KCNQ2: variants seen among roughly 807,000 people sequenced by gnomAD.
KCNQ2 encodes the protein potassium voltage-gated channel subfamily KQT member 2.
KCNQ2 carries 14 observed loss-of-function variants against 84.8 expected under a neutral mutation model. The ratio of observed to expected loss-of-function variants is 0.17; its 90% CI spans 0.11 to 0.26. KCNQ2 has a LOEUF of 0.26. KCNQ2 is among the 10% of genes least tolerant of loss of function. The pLI is 1.00. For missense variants in KCNQ2, 788 were observed against 1,254.0 expected, an observed-to-expected ratio of 0.63 and a Z score of 5.61; for synonymous variants, 599 against 554.1, an observed-to-expected ratio of 1.08 and a Z score of -1.14.
At chr20:63,440,136 G>C (rs1008815793) in intron 5 of KCNQ2, among the ~76,000 whole-genome samples, 1 of 152,200 alleles carries the variant, frequency 6.6e-6, no homozygotes, top group African/African-American at 2.4e-5. Flanking sequence ...CCAGAGGAGA[G>C]GGGTGGGCAG....
rs6011817 is a variant in KCNQ2, at chr20:63,408,196, A to G, written c.1887+217T>C. Reference sequence around the variant, plus strand: ...CTCCTGGGGACTTTGGCCCTTGGGTACTGTCAGGAGGGAAGGCACCCAGGC... The same window carrying G: ...CTCCTGGGGACTTTGGCCCTTGGGTGCTGTCAGGAGGGAAGGCACCCAGGC... On this transcript the variant is annotated intron_variant, in intron 16 of 16. Coordinates refer to ENST00000359125, the MANE Select transcript of KCNQ2 (RefSeq NM_172107.4). The surrounding 1 kb of genome is among the most constrained non-coding windows in gnomAD (Gnocchi z 5.0). 0.078 allele frequency: 44,838 copies of G among 573,712 alleles called. 2,095 individuals are homozygous for G. The highest frequency in any genetic ancestry group is 0.14 in the African/African-American group (7,528 of 53,158). 35.5% of individuals were successfully genotyped at this position (573,712 alleles called of 1,614,324 possible).
At chr20:63,445,403 G>A (rs760817089) in intron 2 of KCNQ2, 39 bp from the exon 3 acceptor site, 6 of 1,609,650 alleles carry the variant, frequency 3.7e-6, no homozygotes, top group South Asian at 3.3e-5. Flanking sequence ...TGAGGCCTGG[G>A]GGAGGGCCTG....
At position 63,446,967 on chromosome 20, in the gene KCNQ2, G is replaced by C; in HGVS notation, c.297-130C>G. On this transcript the variant is annotated intron_variant, in intron 1 of 16. Transcript: ENST00000359125. This position sits in a 1 kb window ranked among gnomAD's most constrained non-coding sequence, Gnocchi z 5.5. ...ACCAGCATGGCCGCGTCTCCAGAAC[G>C]CAGGACCCCACTCCCCACCCACCCC... 1 of 812,636 alleles carries C rather than the reference G, an allele frequency of 1.2e-6. No individual in the cohort carries two copies. 50.3% of individuals were successfully genotyped at this position (812,636 alleles called of 1,614,324 possible).
intron 10 of KCNQ2, chr20:63,424,408 G>A (rs1053671183): frequency 4.9e-6 from 3 of 614,822 alleles, no homozygotes; most frequent in Non-Finnish European, 8.6e-6. Flanking sequence ...GGCCCACGGA[G>A]GCAGCTCCGA....
chr20:63,439,899 C>G, intron 5 of KCNQ2, 191 bp from the exon 6 acceptor site: 1 of 650,218 alleles, frequency 1.5e-6, no homozygotes, highest in Non-Finnish European at 2.8e-6. Context: ...CCTCTCTCCT[C>G]TTCCCCTACA....
intron 15 of KCNQ2, 133 bp downstream of exon 15, chr20:63,413,317 C>T (rs1258103082): frequency 3.0e-6 from 3 of 990,314 alleles, no homozygotes; most frequent in Non-Finnish European, 4.6e-6. Context: ...CAGAAGCTGA[C>T]AGAGGCCGAC....
intron 1 of KCNQ2, among the ~76,000 whole-genome samples, chr20:63,447,605 T>TTTTG (rs1443036334): frequency 1.3e-5 from 2 of 152,060 alleles, no homozygotes; most frequent in African/African-American, 2.4e-5. Flanking sequence ...GTTTGTTTTG[T>TTTTG]TTTGTTTTGA....
intron 1 of KCNQ2, among the ~76,000 whole-genome samples, chr20:63,449,654 G>C (rs758675728): frequency 1.3e-4 from 19 of 150,758 alleles, no homozygotes; most frequent in Non-Finnish European, 2.2e-4. Flanking sequence ...GCAGAGAGAG[G>C]AGGGACTCAC....
chr20:63,406,524 C>T lies in KCNQ2; in HGVS notation c.*120G>A. On this transcript the variant is annotated 3_prime_UTR_variant, in exon 17 of 17. Coordinates refer to ENST00000359125, the MANE Select transcript of KCNQ2 (RefSeq NM_172107.4). ...CAGCCCACATGGGCCCCTCCAGGGC[C>T]CACCCTTCCCGCCACACTCAGTTAC... 1.6e-6 allele frequency: 2 copies of T among 1,259,476 alleles called. No homozygotes were observed. Among genetic ancestry groups the T allele is most frequent in the Non-Finnish European group, 2.1e-6 (2 of 938,992 alleles). The allele number at this position is 1,259,476 out of a possible 1,614,324, so 78.0% of individuals were successfully genotyped here. A position where few individuals can be genotyped will look rare whatever the true frequency, so the allele number is the denominator to read the frequency against.
intron 1 of KCNQ2, among the ~76,000 whole-genome samples, chr20:63,454,079 T>TGCA (rs1284395812): frequency 2.0e-5 from 3 of 152,152 alleles, no homozygotes; most frequent in African/African-American, 4.8e-5. Flanking sequence ...GGAGACAGAA[T>TGCA]GCAGCCGGAT....
intron 9 of KCNQ2, among the ~76,000 whole-genome samples, chr20:63,428,949 G>T (rs1041480328): frequency 6.6e-6 from 1 of 152,062 alleles, no homozygotes; most frequent in African/African-American, 2.4e-5. Flanking sequence ...TCTATAGGAT[G>T]AGCCCAGCCT....
chr20:63,436,832 A>G (rs1363690572), intron 7 of KCNQ2, among the ~76,000 whole-genome samples: 1 of 137,584 alleles, frequency 7.3e-6, no homozygotes, highest in East Asian at 2.2e-4. Flanking sequence ...GCTGGAATGC[A>G]GTGGCGCAAT....
rs921723605 is a variant in KCNQ2 at position 63,400,993 on chromosome 20, G to A, written c.*5651C>T. 5 of 397,168 alleles carry A rather than the reference G, an allele frequency of 1.3e-5. No individual in the cohort carries two copies. Among genetic ancestry groups the A allele is most frequent in the African/African-American group, 2.1e-5 (1 of 48,584 alleles). The allele number at this position is 397,168 out of a possible 1,614,324, so 24.6% of individuals were successfully genotyped here. A position where few individuals can be genotyped will look rare whatever the true frequency, so the allele number is the denominator to read the frequency against. On this transcript the variant is annotated 3_prime_UTR_variant, in exon 17 of 17. Coordinates refer to ENST00000359125, the MANE Select transcript of KCNQ2 (RefSeq NM_172107.4). This position sits in a 1 kb window ranked among gnomAD's most constrained non-coding sequence, Gnocchi z 8.7. ...AACCCAGGCGGAGTTGGCGTGTGGC[G>A]ATGGCGATGTGCACGTGCCTGCCTG...
intron 1 of KCNQ2, among the ~76,000 whole-genome samples, chr20:63,449,524 C>T (rs1161784322): frequency 6.6e-6 from 1 of 152,224 alleles, no homozygotes; most frequent in Non-Finnish European, 1.5e-5. Flanking sequence ...GGCCGCAGTG[C>T]CTGGAGGGTC....
rs1015091898 is a variant in KCNQ2 at position 63,414,866 on chromosome 20, G to A, written c.1525+37C>T. Reference sequence around the variant, plus strand: ...AGCGTGGCCACCACATCCATCCCCGGAGAGGATGGACCAGGAGAGGATGCG... The same window carrying A: ...AGCGTGGCCACCACATCCATCCCCGAAGAGGATGGACCAGGAGAGGATGCG... On this transcript the variant is annotated intron_variant, in intron 13 of 16. Coordinates refer to ENST00000359125, the MANE Select transcript of KCNQ2 (RefSeq NM_172107.4). This position sits in a 1 kb window ranked among gnomAD's most constrained non-coding sequence, Gnocchi z 6.6. 1.9e-6 allele frequency: 3 copies of A among 1,585,484 alleles called. No homozygotes were observed. Among genetic ancestry groups the A allele is most frequent in the Admixed American group, 1.7e-5 (1 of 59,960 alleles).
chr20:63,437,945 G>T (rs2081053229), intron 7 of KCNQ2, among the ~76,000 whole-genome samples: 2 of 152,206 alleles, frequency 1.3e-5, no homozygotes, highest in African/African-American at 4.8e-5. Flanking sequence ...GAGTAGCTGG[G>T]ATTACAGACG....
intron 1 of KCNQ2, chr20:63,448,402 G>A (rs1185214566): frequency 1.3e-5 from 2 of 152,304 alleles, no homozygotes; most frequent in African/African-American, 2.4e-5. Flanking sequence ...AGAACCAGGA[G>A]CCGGCGGGGA....
At chr20:63,461,176 G>A (rs1229634010) in intron 1 of KCNQ2, 3 of 152,172 alleles carry the variant, frequency 2.0e-5, no homozygotes, top group African/African-American at 7.2e-5. Context: ...AAGAAACGAG[G>A]GCGGCAGGGG....
chr20:63,451,506 G>A (rs2081615211), intron 1 of KCNQ2, among the ~76,000 whole-genome samples: 1 of 152,126 alleles, frequency 6.6e-6, no homozygotes, highest in African/African-American at 2.4e-5. Context: ...CGTGGCTTTT[G>A]TGATTGAAAC....
Sources: allele counts gnomAD v4.1 joint callset (sites outside exome capture counted in the v4.1 genomes callset), GRCh38; gene constraint gnomAD v4.1.1; non-coding constraint Gnocchi (gnomAD v3.1); transcripts MANE v1.5; gene names NCBI Gene and HGNC (gene_info 2026-07-23, HGNC 2026-07-21).